Variants in LGR6 observed in about 807,000 individuals in gnomAD.
LGR6 encodes leucine rich repeat containing G protein-coupled receptor 6, also known as leucine-rich repeat-containing G protein-coupled receptor 6.
Under a neutral mutation model 69.4 loss-of-function variants are expected in LGR6, and 45 were observed. The observed-to-expected ratio is 0.65, with a 90% CI of 0.51 to 0.83. The LOEUF (loss-of-function observed/expected upper bound fraction) is 0.83. LGR6 is among the 40% of genes least tolerant of loss of function. The pLI is 0.00. For missense variants in LGR6, 1,108 were observed against 1,246.7 expected, an observed-to-expected ratio of 0.89 and a Z score of 1.68; for synonymous variants, 538 against 555.0, an observed-to-expected ratio of 0.97 and a Z score of 0.43.
chr1:202,295,327 C>CAAAAAAAAAAAAAAAAAA (rs58243962), intron 6 of LGR6, among the ~76,000 whole-genome samples: 1 of 45,562 alleles, frequency 2.2e-5, no homozygotes. Flanking sequence ...GACTCCATCT[C>CAAAAAAAAAAAAAAAAAA]AAAAAAAAAA....
intron 4 of LGR6, among the ~76,000 whole-genome samples, chr1:202,256,652 A>T (rs1663799343): frequency 6.6e-6 from 1 of 152,208 alleles, no homozygotes; most frequent in African/African-American, 2.4e-5. Flanking sequence ...CGTTTTGGTT[A>T]TTATGAATAA....
intron 6 of LGR6, among the ~76,000 whole-genome samples, chr1:202,286,352 G>A (rs1023777034): frequency 6.6e-6 from 1 of 152,146 alleles, no homozygotes; most frequent in African/African-American, 2.4e-5. Flanking sequence ...ACTAGTCACT[G>A]GGCAAATAAT....
Position 202,310,225 on chromosome 1 carries a change from T to G in LGR6, c.1435T>G (p.Cys479Gly). 6.2e-7 allele frequency: 1 copy of G among 1,614,108 alleles called. No individual in the cohort carries two copies. The highest frequency in any genetic ancestry group is 8.5e-7 in the Non-Finnish European group (1 of 1,180,010). The change falls in exon 16 of 18, where the codon TGC (cysteine) becomes GGC (glycine). Residue 479 changes from cysteine to glycine, a missense_variant. Physicochemically the swap from Cys to Gly is radical, Grantham distance 159. Transcript: ENST00000367278. Reference protein sequence around the residue: ...RILEVPYAYQCCPYGMCASFF... With the variant: ...RILEVPYAYQGCPYGMCASFF... Reference sequence around the variant, plus strand: ...CCTGGAGGTGCCTTATGCCTACCAGTGCTGTCCCTATGGGATGTGTGCCAG... The same window carrying G: ...CCTGGAGGTGCCTTATGCCTACCAGGGCTGTCCCTATGGGATGTGTGCCAG...
chr1:202,283,489 G>GC (rs1666165954), intron 6 of LGR6, among the ~76,000 whole-genome samples: 1 of 152,140 alleles, frequency 6.6e-6, no homozygotes, highest in Non-Finnish European at 1.5e-5. Flanking sequence ...TCTCCCTCAG[G>GC]CCCCATAAAT....
chr1:202,305,803 T>A, intron 12 of LGR6, 54 bp downstream of exon 12: 1 of 1,464,554 alleles, frequency 6.8e-7, no homozygotes, highest in Non-Finnish European at 9.6e-7. Context: ...CCTGAGCAAG[T>A]CCTGTAGGGA....
At chr1:202,202,266 C>CT (rs897575817) in intron 1 of LGR6, among the ~76,000 whole-genome samples, 8 of 152,148 alleles carry the variant, frequency 5.3e-5, no homozygotes, top group African/African-American at 1.9e-4. Context: ...GTTTTCTGCC[C>CT]TTTTTCCCTC....
chr1:202,204,036 C>G (rs1039644359), intron 1 of LGR6, among the ~76,000 whole-genome samples: 1 of 152,064 alleles, frequency 6.6e-6, no homozygotes. Flanking sequence ...TTGTGATGCT[C>G]TACTTCATCA....
intron 7 of LGR6, 85 bp downstream of exon 7, chr1:202,297,661 C>T (rs1667260808): frequency 2.0e-6 from 2 of 1,008,858 alleles, no homozygotes; most frequent in Non-Finnish European, 3.0e-6. Context: ...CATGCTCTTA[C>T]CTCCTCACCT....
chr1:202,195,345 G>A (rs1481305878), intron 1 of LGR6, among the ~76,000 whole-genome samples: 1 of 152,192 alleles, frequency 6.6e-6, no homozygotes, highest in African/African-American at 2.4e-5. Context: ...CTCAGTGTTG[G>A]GAGTGTCCTG....
At chr1:202,272,642 C>G (rs938852943) in intron 4 of LGR6, among the ~76,000 whole-genome samples, 1 of 152,244 alleles carries the variant, frequency 6.6e-6, no homozygotes, top group African/African-American at 2.4e-5. Flanking sequence ...GTGCCATGCT[C>G]GGCCCAGCCT....
intron 5 of LGR6, among the ~76,000 whole-genome samples, chr1:202,278,475 C>G (rs1305680009): frequency 1.3e-5 from 2 of 152,106 alleles, no homozygotes; most frequent in African/African-American, 4.8e-5. Flanking sequence ...GAAAGAAAAC[C>G]TACTGGTGCG....
Position 202,220,466 on chromosome 1 carries a change from G to A in LGR6, c.213-4957G>A, listed in dbSNP as rs185118018. Among the ~76,000 whole-genome samples the A allele has an allele frequency of 7.8e-3, 1,184 of 151,580 alleles. 6 individuals are homozygous for A. The highest frequency in any genetic ancestry group is 0.015 in the Admixed American group (231 of 15,238). On this transcript the variant is annotated intron_variant, in intron 1 of 17. Transcript: ENST00000367278. Reference sequence around the variant, plus strand: ...ACTCCTGACCTCAGGTGGTCCACCCGCCTCAGCCTCCCAAAGTGCTGGGAT... The same window carrying A: ...ACTCCTGACCTCAGGTGGTCCACCCACCTCAGCCTCCCAAAGTGCTGGGAT...
chr1:202,304,192 C>G (rs12119508), intron 10 of LGR6, among the ~76,000 whole-genome samples: 11,055 of 152,322 alleles, frequency 0.073, 512 homozygotes, highest in Middle Eastern at 0.13. Flanking sequence ...GACATCCCCT[C>G]CTCTAAGGTC....
chr1:202,214,246 G>T (rs1659604604), intron 1 of LGR6: 2 of 1,537,304 alleles, frequency 1.3e-6, no homozygotes, highest in East Asian at 2.7e-5. Context: ...AGGTAGGCTT[G>T]GGGGAAGGGT....
In LGR6 at chr1:202,276,295, T is replaced by C; in HGVS notation, c.429-11T>C. ...CCTGGATTGACCCCTCTCCATCCTC[T>C]CTTCCACCAGGCGCCTAGATGCCAA... On this transcript the variant is annotated splice_polypyrimidine_tract_variant and intron_variant, in intron 4 of 17. Coordinates refer to ENST00000367278, the MANE Select transcript of LGR6 (RefSeq NM_001017403.2). 2 of 1,611,156 alleles carry C rather than the reference T, an allele frequency of 1.2e-6. No individual in the cohort carries two copies. The highest frequency in any genetic ancestry group is 1.7e-6 in the Non-Finnish European group (2 of 1,177,976).
intron 4 of LGR6, among the ~76,000 whole-genome samples, chr1:202,263,591 C>T (rs1419482530): frequency 6.6e-6 from 1 of 151,988 alleles, no homozygotes; most frequent in Non-Finnish European, 1.5e-5. Context: ...GGCTTCAGCA[C>T]GGGGGTGTGG....
intron 1 of LGR6, among the ~76,000 whole-genome samples, chr1:202,217,821 C>T (rs144001455): frequency 4.1e-4 from 62 of 152,294 alleles, no homozygotes; most frequent in African/African-American, 1.4e-3. Flanking sequence ...AAAGCAGTAG[C>T]CCTTTTATTT....
intron 12 of LGR6, 142 bp from the exon 13 acceptor site, chr1:202,306,725 TG>T: frequency 1.3e-6 from 1 of 768,714 alleles, no homozygotes; most frequent in Non-Finnish European, 2.2e-6. Context: ...CCTTTAATTC[TG>T]GTGACTTCCT....
chr1:202,300,572 T>C (rs542274403), intron 7 of LGR6, among the ~76,000 whole-genome samples: 1 of 151,918 alleles, frequency 6.6e-6, no homozygotes, highest in African/African-American at 2.4e-5. Context: ...GGAGAATCGC[T>C]TGAGCCCAGG....
Sources: allele counts gnomAD v4.1 joint callset (sites outside exome capture counted in the v4.1 genomes callset), GRCh38; gene constraint gnomAD v4.1.1; transcripts MANE v1.5; gene names NCBI Gene and HGNC (gene_info 2026-07-23, HGNC 2026-07-21).